The following ZNF506 variants were observed in gnomAD, a reference collection of about 807,000 sequenced individuals.
ZNF506 encodes the protein zinc finger protein 506.
A neutral mutation model predicts 11.6 loss-of-function variants in ZNF506; 10 were observed. That is an observed-to-expected ratio of 0.86 (90% CI 0.53 to 1.46). The LOEUF (loss-of-function observed/expected upper bound fraction) is 1.46, where lower values mean the gene tolerates loss of function less well. Among genes scored for constraint, ZNF506 ranks in the 40% most tolerant of loss-of-function variants. The pLI is 0.00. For synonymous variants in ZNF506, 156 were observed against 173.3 expected, an observed-to-expected ratio of 0.90 and a Z score of 0.78; for missense variants, 425 against 521.2, an observed-to-expected ratio of 0.82 and a Z score of 1.80.
intron 3 of ZNF506, among the ~76,000 whole-genome samples, chr19:19,800,878 A>C (rs888694547): frequency 6.6e-6 from 1 of 152,050 alleles, no homozygotes; most frequent in Non-Finnish European, 1.5e-5. Flanking sequence ...AACCTGTTTC[A>C]GGCTGGGAGC....
At position 19,794,333 on chromosome 19, in the gene ZNF506, G is replaced by T; in HGVS notation, c.*219C>A. On this transcript the variant is annotated 3_prime_UTR_variant, in exon 4 of 4. Transcript: ENST00000540806. Reference sequence around the variant, plus strand: ...CTCAAAAAACAAAAAGAGTTGACAGGTTGTTATAGGCTTTGCCATATTCTT... The same window carrying T: ...CTCAAAAAACAAAAAGAGTTGACAGTTTGTTATAGGCTTTGCCATATTCTT... 2.3e-6 allele frequency: 1 copy of T among 439,406 alleles called. No homozygotes were observed. The highest frequency in any genetic ancestry group is 3.9e-6 in the Non-Finnish European group (1 of 253,370). The allele number at this position is 439,406 out of a possible 1,614,324, so 27.2% of individuals were successfully genotyped here.
chr19:19,798,941 A>T (rs2062768365), intron 3 of ZNF506: 1 of 152,216 alleles, frequency 6.6e-6, no homozygotes, highest in Admixed American at 6.5e-5. Flanking sequence ...GAGTCAGCTG[A>T]GATCTAATGA....
rs560003654 is a variant in ZNF506, at chr19:19,813,570, AATT to A, written c.4-6505_4-6503del. On this transcript the variant is annotated intron_variant, in intron 1 of 3. Coordinates refer to ENST00000540806, the MANE Select transcript of ZNF506 (RefSeq NM_001099269.3). ...TTGGGTATATACCCAAAGAAATATA[AATT>A]ATATTATAAAGACACATCCACATGC... 4.2e-3 allele frequency among the ~76,000 whole-genome samples: 643 copies of A among 152,300 alleles called. 6 individuals carry two copies. The highest frequency in any genetic ancestry group is 0.015 in the African/African-American group (619 of 41,556).
At chr19:19,799,183 G>C (rs1345385935) in intron 3 of ZNF506, 8 of 316,428 alleles carry the variant, frequency 2.5e-5, no homozygotes, top group Non-Finnish European at 4.6e-5. Flanking sequence ...GTGTGTATTT[G>C]TGCGTGTGTG....
intron 3 of ZNF506, among the ~76,000 whole-genome samples, chr19:19,805,121 A>G (rs1216074230): frequency 6.6e-6 from 1 of 152,180 alleles, no homozygotes; most frequent in Non-Finnish European, 1.5e-5. Flanking sequence ...AACCTGTCTA[A>G]ACCAATAAAT....
At position 19,821,720 on chromosome 19, in the gene ZNF506, A is replaced by G; in HGVS notation, c.-117T>C. 1 of 1,350,996 alleles carries G rather than the reference A, an allele frequency of 7.4e-7. No homozygotes were observed. The highest frequency in any genetic ancestry group is 1.1e-6 in the Non-Finnish European group (1 of 946,184). 83.7% of individuals were successfully genotyped at this position (1,350,996 alleles called of 1,614,324 possible). A position where few individuals can be genotyped will look rare whatever the true frequency, so the allele number is the denominator to read the frequency against. On this transcript the variant is annotated 5_prime_UTR_variant, in exon 1 of 4. Coordinates refer to ENST00000540806, the MANE Select transcript of ZNF506 (RefSeq NM_001099269.3). ...GACGGCACAGAGCAGTGAAGACGATAGCTGGATCTCTGGCGTCAGCGAGAG... is the reference window on the plus strand; with the variant it reads ...GACGGCACAGAGCAGTGAAGACGATGGCTGGATCTCTGGCGTCAGCGAGAG...
chr19:19,803,383 C>T (rs2062810308), intron 3 of ZNF506, among the ~76,000 whole-genome samples: 1 of 152,170 alleles, frequency 6.6e-6, no homozygotes. Context: ...TCAGTTCTGC[C>T]TACATAGAAA....
At chr19:19,802,995 C>T (rs576136101) in intron 3 of ZNF506, among the ~76,000 whole-genome samples, 1 of 152,172 alleles carries the variant, frequency 6.6e-6, no homozygotes, top group Non-Finnish European at 1.5e-5. Flanking sequence ...TGTAGCAAGA[C>T]CCCATCTCCA....
chr19:19,816,981 A>G (rs1161431242), intron 1 of ZNF506, among the ~76,000 whole-genome samples: 1 of 151,598 alleles, frequency 6.6e-6, no homozygotes, highest in Non-Finnish European at 1.5e-5. Flanking sequence ...TTGTATTTTT[A>G]GTAGAGACAG....
At chr19:19,799,867 G>A (rs1330410910) in intron 3 of ZNF506, among the ~76,000 whole-genome samples, 36 of 118,132 alleles carry the variant, frequency 3.0e-4, no homozygotes, top group Non-Finnish European at 5.2e-4. Flanking sequence ...GTACCCAACA[G>A]TCTTCAAAAA....
intron 3 of ZNF506, among the ~76,000 whole-genome samples, chr19:19,805,431 GTTTT>G (rs34143674): frequency 6.7e-6 from 1 of 149,772 alleles, no homozygotes; most frequent in South Asian, 2.1e-4. Context: ...AAATTGCAGT[GTTTT>G]TTTTTCACAG....
Position 19,795,479 on chromosome 19 carries a change from A to G in ZNF506, c.408T>C (p.Cys136=), listed in dbSNP as rs1294997455. ...HKRGYNGLKQ[C]LATTQRKIFQ... ...ATATTTTTCTCTGGGTAGTTGCCAA[A>G]CATTGTTTAAGTCCATTATAACCTC... Residue 136 remains cysteine (C), a synonymous_variant, in exon 4 of 4, where the codon TGT becomes TGC. Coordinates refer to ENST00000540806, the MANE Select transcript of ZNF506 (RefSeq NM_001099269.3). The G allele has an allele frequency of 1.3e-5, 21 of 1,595,094 alleles. No homozygotes were observed. The highest frequency in any genetic ancestry group is 1.8e-5 in the Non-Finnish European group (21 of 1,173,238).
intron 3 of ZNF506, chr19:19,798,163 A>T (rs968933827): frequency 6.6e-6 from 1 of 152,220 alleles, no homozygotes; most frequent in Non-Finnish European, 1.5e-5. Flanking sequence ...AAAAGATAAA[A>T]GTATGGAAAT....
chr19:19,811,662 T>G (rs1025308757), intron 1 of ZNF506, among the ~76,000 whole-genome samples: 4 of 151,962 alleles, frequency 2.6e-5, no homozygotes, highest in Non-Finnish European at 2.9e-5. Context: ...ATTAGCCGGA[T>G]GCGATGGCAG....
chr19:19,815,299 T>C (rs2062921082), intron 1 of ZNF506, among the ~76,000 whole-genome samples: 1 of 151,562 alleles, frequency 6.6e-6, no homozygotes, highest in Non-Finnish European at 1.5e-5. Flanking sequence ...AAAAATACCA[T>C]TGTGAGGTTC....
chr19:19,808,131 T>C (rs2062850766), intron 1 of ZNF506, among the ~76,000 whole-genome samples: 1 of 119,114 alleles, frequency 8.4e-6, no homozygotes, highest in Non-Finnish European at 1.7e-5. Flanking sequence ...TTTTTTTTTT[T>C]TTTTTTTTTT....
chr19:19,797,097 AT>A (rs1292504781), intron 3 of ZNF506: 5 of 150,878 alleles, frequency 3.3e-5, no homozygotes, highest in Non-Finnish European at 7.4e-5. Flanking sequence ...CATCAAAAAA[AT>A]TATAAAATTT....
intron 3 of ZNF506, among the ~76,000 whole-genome samples, chr19:19,804,396 T>A (rs2062818389): frequency 6.6e-6 from 1 of 152,116 alleles, no homozygotes; most frequent in Non-Finnish European, 1.5e-5. Flanking sequence ...CCATCTCACA[T>A]CAGTTAGAAT....
At position 19,806,987 on chromosome 19, in the gene ZNF506, A is replaced by G. The variant is rs1268468156; in HGVS notation, c.85T>C (p.Tyr29His). Residue 29 changes from tyrosine to histidine, a missense_variant, in exon 2 of 4, where the codon TAT becomes CAT. Tyr to His is a moderately conservative substitution (Grantham distance 83). This residue lies in a region of ZNF506 where 226 missense variants were observed against 279.1 expected (regional missense o/e 0.81). Coordinates refer to ENST00000540806, the MANE Select transcript of ZNF506 (RefSeq NM_001099269.3). ...TAGTTCTCTAACATCACATCCCTAT[A>G]TAGATTCCGCTGTGCAGCGTCCAGG... ...HCLDAAQRNL[Y>H]RDVMLENYRN... 6.2e-7 allele frequency: 1 copy of G among 1,614,040 alleles called. No individual in the cohort carries two copies. The highest frequency in any genetic ancestry group is 1.1e-5 in the South Asian group (1 of 91,054).
Sources: allele counts gnomAD v4.1 joint callset (sites outside exome capture counted in the v4.1 genomes callset), GRCh38; gene constraint gnomAD v4.1.1; regional missense constraint gnomAD v4.1.1; transcripts MANE v1.5; gene names NCBI Gene and HGNC (gene_info 2026-07-23, HGNC 2026-07-21).